POU2F3: variants seen among roughly 807,000 people sequenced by gnomAD.
POU2F3 encodes the protein POU class 2 homeobox 3.
In POU2F3, 23 loss-of-function variants were observed where a neutral mutation model predicts 59.2. The ratio of observed to expected loss-of-function variants is 0.39; its 90% CI spans 0.28 to 0.55. The LOEUF is 0.55. POU2F3 is among the 20% of genes least tolerant of loss of function. The pLI is 0.66. For missense variants in POU2F3, 473 were observed against 544.5 expected (o/e 0.87, Z 1.31); for synonymous variants, 190 against 214.6 (o/e 0.89, Z 1.00).
chr11:120,287,478 G>C (rs1038428796), intron 3 of POU2F3, among the ~76,000 whole-genome samples: 92 of 152,294 alleles, frequency 6.0e-4, no homozygotes, highest in African/African-American at 2.1e-3. Flanking sequence ...AGCCCTCCCT[G>C]GAACAGGTTT....
chr11:120,310,249 A>G (rs370816872), intron 10 of POU2F3, among the ~76,000 whole-genome samples: 1 of 152,142 alleles, frequency 6.6e-6, no homozygotes, highest in South Asian at 2.1e-4. Flanking sequence ...CTAGACTTTG[A>G]TGGTGGAGTA....
At chr11:120,306,500 A>G (rs903512167) in intron 8 of POU2F3, among the ~76,000 whole-genome samples, 4 of 152,162 alleles carry the variant, frequency 2.6e-5, no homozygotes, top group Non-Finnish European at 5.9e-5. Flanking sequence ...TGTTTTGAGC[A>G]TCCCTGGTCC....
chr11:120,265,744 C>A (rs1372595798), intron 2 of POU2F3: 1 of 152,184 alleles, frequency 6.6e-6, no homozygotes, highest in Non-Finnish European at 1.5e-5. Context: ...AACCTGATGA[C>A]CCTCTCCAAG....
chr11:120,243,338 G>T (rs1432790313), intron 1 of POU2F3, among the ~76,000 whole-genome samples: 1 of 152,166 alleles, frequency 6.6e-6, no homozygotes, highest in Non-Finnish European at 1.5e-5. Flanking sequence ...GTCCCAGGAG[G>T]TCCAGGACCC....
chr11:120,271,799 A>T (rs1940087524), intron 3 of POU2F3, among the ~76,000 whole-genome samples: 1 of 152,120 alleles, frequency 6.6e-6, no homozygotes. Flanking sequence ...TTTCCCTTGG[A>T]TGAGCCTTGT....
At chr11:120,277,588 C>T (rs1045584025) in intron 3 of POU2F3, among the ~76,000 whole-genome samples, 5 of 151,820 alleles carry the variant, frequency 3.3e-5, no homozygotes, top group African/African-American at 9.7e-5. Context: ...CCAGCCTGGC[C>T]AACGTGGTAA....
Position 120,299,663 on chromosome 11 carries a change from G to T in POU2F3, c.298G>T (p.Val100Phe), listed in dbSNP as rs1467192348. Residue 100 changes from valine (V) to phenylalanine (F), a missense_variant, in exon 5 of 13, where the codon GTT becomes TTT. Transcript: ENST00000543440. ...CCATCCGCTCCAGCAGCTTGTGCTG[G>T]TTCCCGGCCACTTACAGTCTGTATC... ...SLHPLQQLVL[V>F]PGHLQSVSQF... is the part of the protein sequence containing the mutation. The T allele has an allele frequency of 1.9e-6, 3 of 1,613,772 alleles. No homozygotes were observed. In the African/African-American group the frequency reaches 4.0e-5, roughly 22 times the overall value.
intron 10 of POU2F3, among the ~76,000 whole-genome samples, chr11:120,312,897 G>T (rs368181676): frequency 6.6e-6 from 1 of 152,178 alleles, no homozygotes; most frequent in Middle Eastern, 3.2e-3. Flanking sequence ...GTTTGAGTTG[G>T]GGGGTGCAGA....
At chr11:120,245,747 G>T (rs1028315798) in intron 1 of POU2F3, among the ~76,000 whole-genome samples, 1 of 152,208 alleles carries the variant, frequency 6.6e-6, no homozygotes, top group African/African-American at 2.4e-5. Context: ...TGAGCCAGGG[G>T]CCTGGTGTAG....
At chr11:120,308,177 T>C (rs1941551936) in intron 9 of POU2F3, among the ~76,000 whole-genome samples, 1 of 152,338 alleles carries the variant, frequency 6.6e-6, no homozygotes, top group South Asian at 2.1e-4. Flanking sequence ...TTTTGGAACT[T>C]GTAGCAAAAG....
chr11:120,286,849 C>T (rs996629105), intron 3 of POU2F3, among the ~76,000 whole-genome samples: 28 of 151,912 alleles, frequency 1.8e-4, no homozygotes, highest in African/African-American at 4.6e-4. Flanking sequence ...TTGATGTCCG[C>T]GCAGAGTATT....
intron 6 of POU2F3, 88 bp from the exon 7 acceptor site, chr11:120,304,942 T>TAAAAAAAAA (rs11443197): frequency 2.7e-5 from 9 of 336,656 alleles, no homozygotes; most frequent in African/African-American, 5.5e-5. Flanking sequence ...GGCCTATTAG[T>TAAAAAAAAA]AAAAAAAAAA....
chr11:120,312,796 C>T (rs1438433313), intron 10 of POU2F3, among the ~76,000 whole-genome samples: 1 of 152,156 alleles, frequency 6.6e-6, no homozygotes, highest in African/African-American at 2.4e-5. Flanking sequence ...GGTGCCTAAC[C>T]TAGTCCAGGG....
At chr11:120,286,787 T>G (rs1404167989) in intron 3 of POU2F3, among the ~76,000 whole-genome samples, 2 of 152,238 alleles carry the variant, frequency 1.3e-5, no homozygotes, top group Non-Finnish European at 2.9e-5. Context: ...TGTTTTATCT[T>G]ATGACTTGCT....
intron 5 of POU2F3, chr11:120,301,567 T>C (rs1304715791): frequency 6.5e-6 from 1 of 154,360 alleles, no homozygotes; most frequent in Non-Finnish European, 1.4e-5. Context: ...CCCCATTGTC[T>C]GCTTTGGTGG....
At chr11:120,294,794 A>G (rs559399102) in intron 3 of POU2F3, among the ~76,000 whole-genome samples, 2 of 152,296 alleles carry the variant, frequency 1.3e-5, no homozygotes, top group Non-Finnish European at 2.9e-5. Context: ...GAGATTTGAG[A>G]ACTTGTCCTC....
At chr11:120,299,021 T>C (rs994517973) in intron 4 of POU2F3, among the ~76,000 whole-genome samples, 1 of 152,166 alleles carries the variant, frequency 6.6e-6, no homozygotes. Flanking sequence ...GCGTCTCCAT[T>C]GCAGAGGACT....
Position 120,298,332 on chromosome 11 carries a change from A to G in POU2F3, c.200A>G (p.Gln67Arg), listed in dbSNP as rs1941249213. 6.2e-7 allele frequency: 1 copy of G among 1,613,754 alleles called. No homozygotes were observed. The highest frequency in any genetic ancestry group is 8.5e-7 in the Non-Finnish European group (1 of 1,179,916). Residue 67 changes from glutamine (Q) to arginine (R), a missense_variant, in exon 4 of 13, where the codon CAA becomes CGA. Transcript: ENST00000543440. ...TLSHRPCHLS[Q>R]GPAMMSGNQM... is the part of the protein sequence containing the mutation. ...TCCCATCGGCCATGCCACCTGAGTCAAGGACCTGCCATGATGTCCGGAAAC... is the reference window on the plus strand; with the variant it reads ...TCCCATCGGCCATGCCACCTGAGTCGAGGACCTGCCATGATGTCCGGAAAC...
At chr11:120,310,718 G>T (rs1442429737) in intron 10 of POU2F3, among the ~76,000 whole-genome samples, 1 of 152,068 alleles carries the variant, frequency 6.6e-6, no homozygotes, top group Non-Finnish European at 1.5e-5. Context: ...GCCTTCTCAG[G>T]GTGGGACACA....
Sources: gnomAD v4.1 joint callset for allele counts (sites outside exome capture counted in the v4.1 genomes callset) on GRCh38, gnomAD v4.1.1 for gene constraint, MANE v1.5 for transcripts, NCBI Gene and HGNC (gene_info 2026-07-23, HGNC 2026-07-21) for gene names.